The following NPAS3 variants were observed in gnomAD, a reference collection of about 807,000 sequenced individuals.
NPAS3 encodes the protein neuronal PAS domain protein 3.
Under a neutral mutation model 73.1 loss-of-function variants are expected in NPAS3, and 14 were observed. That is an observed-to-expected ratio of 0.19 (90% confidence interval 0.13 to 0.30). The LOEUF is 0.30. Among genes scored for constraint, NPAS3 ranks in the 10% least tolerant of loss-of-function variants. The pLI is 1.00. For synonymous variants in NPAS3, 620 were observed against 541.5 expected, an observed-to-expected ratio of 1.14 and a Z score of -2.01; for missense variants, 1,096 against 1,250.0, an observed-to-expected ratio of 0.88 and a Z score of 1.86.
At chr14:33,369,404 C>CAAAAAAAAAAAAAAAAAAAAAAAAAA (rs3058296) in intron 4 of NPAS3, among the ~76,000 whole-genome samples, 1 of 90,940 alleles carries the variant, frequency 1.1e-5, no homozygotes, top group Non-Finnish European at 2.2e-5. Flanking sequence ...GCCTCATTTC[C>CAAAAAAAAAAAAAAAAAAAAAAAAAA]AAAAAAAAAA....
intron 3 of NPAS3, among the ~76,000 whole-genome samples, chr14:33,354,251 C>T (rs1249968913): frequency 6.6e-6 from 1 of 152,100 alleles, no homozygotes; most frequent in African/African-American, 2.4e-5. Flanking sequence ...CCTTTCTTTC[C>T]CTTCCAGATT....
intron 3 of NPAS3, among the ~76,000 whole-genome samples, chr14:33,351,044 C>CAA (rs2045022026): frequency 6.6e-6 from 1 of 152,308 alleles, no homozygotes; most frequent in Admixed American, 6.5e-5. Flanking sequence ...AGACTCTATA[C>CAA]AAGCTTGCCA....
At chr14:33,581,742 T>C (rs937294217) in intron 5 of NPAS3, among the ~76,000 whole-genome samples, 1 of 152,090 alleles carries the variant, frequency 6.6e-6, no homozygotes, top group Admixed American at 6.5e-5. Flanking sequence ...TGGATAATTT[T>C]TTTGTACTTT....
At chr14:33,220,343 G>A (rs552075059) in intron 3 of NPAS3, among the ~76,000 whole-genome samples, 6 of 152,240 alleles carry the variant, frequency 3.9e-5, no homozygotes, top group South Asian at 2.1e-4. Flanking sequence ...GCCAGTGTTC[G>A]TTGTTGTTTA....
At chr14:33,479,863 G>T (rs1182921022) in intron 4 of NPAS3, among the ~76,000 whole-genome samples, 3 of 151,966 alleles carry the variant, frequency 2.0e-5, no homozygotes, top group African/African-American at 7.3e-5. Context: ...CATTTGTGAA[G>T]AATTTCTTGG....
intron 5 of NPAS3, among the ~76,000 whole-genome samples, chr14:33,665,747 A>G (rs1175042899): frequency 1.3e-5 from 2 of 152,244 alleles, no homozygotes; most frequent in African/African-American, 4.8e-5. Context: ...CTTCCGAATT[A>G]AACCTCAGAA....
chr14:33,575,974 C>T (rs1347948646), intron 5 of NPAS3, among the ~76,000 whole-genome samples: 2 of 151,830 alleles, frequency 1.3e-5, no homozygotes, highest in African/African-American at 4.8e-5. Context: ...CTTGTAGCAC[C>T]CTCCCACCCC....
At chr14:33,324,242 G>A (rs1017871552) in intron 3 of NPAS3, among the ~76,000 whole-genome samples, 2 of 152,246 alleles carry the variant, frequency 1.3e-5, no homozygotes, top group East Asian at 1.9e-4. Flanking sequence ...TTGTAACGCC[G>A]GATCTGCCAT....
In NPAS3 at chr14:32,966,718, A is replaced by T. The variant is rs868228810; in HGVS notation, c.50+27352A>T. Among the ~76,000 whole-genome samples the T allele has an allele frequency of 7.1e-5, 9 of 127,334 alleles. 2 individuals carry two copies. The highest frequency in any genetic ancestry group is 1.5e-4 in the Non-Finnish European group (9 of 59,572). 83.5% of individuals were successfully genotyped at this position (127,334 alleles called of 152,430 possible). ...CCGGGAAGCGGAGCTTGCAGTGAGC[A>T]GAGATTGCGCCACTGCAGTCCGCAG... On this transcript the variant is annotated intron_variant, in intron 1 of 11. Transcript: ENST00000356141.
In NPAS3 at chr14:33,578,614, A is replaced by G. The variant is rs923071518; in HGVS notation, c.558+18404A>G. On this transcript the variant is annotated intron_variant, in intron 5 of 11. Coordinates refer to ENST00000356141, the Ensembl canonical transcript of NPAS3. ...ATAGGCACTAAACAAATATTTGCTG[A>G]CTGACTGAATATCTTCCAACTTCCA... Among the ~76,000 whole-genome samples, 4 of 152,180 alleles carry G rather than the reference A, an allele frequency of 2.6e-5. No individual in the cohort carries two copies. In the East Asian group the frequency reaches 5.8e-4, roughly 22 times the overall value.
chr14:33,534,403 G>C (rs892408006), intron 4 of NPAS3, among the ~76,000 whole-genome samples: 3 of 152,104 alleles, frequency 2.0e-5, no homozygotes, highest in Non-Finnish European at 4.4e-5. Context: ...TTTACATTGG[G>C]AGTCAGGATT....
intron 2 of NPAS3, among the ~76,000 whole-genome samples, chr14:33,112,011 A>G (rs36134579): frequency 0.015 from 2,328 of 152,112 alleles, 62 homozygotes; most frequent in African/African-American, 0.054. Flanking sequence ...ATCATTTTTT[A>G]TGGCTGCATA....
intron 3 of NPAS3, among the ~76,000 whole-genome samples, chr14:33,287,147 A>AAAAGTGAT (rs1272107723): frequency 1.3e-5 from 2 of 152,224 alleles, no homozygotes; most frequent in Non-Finnish European, 2.9e-5. Context: ...GTGGGAGAAA[A>AAAAGTGAT]AAAGTGATGT....
chr14:33,581,224 C>T (rs1057336048), intron 5 of NPAS3, among the ~76,000 whole-genome samples: 4 of 152,070 alleles, frequency 2.6e-5, no homozygotes, highest in Non-Finnish European at 5.9e-5. Context: ...GAGTCCCAGC[C>T]AAAGGTGTTG....
intron 3 of NPAS3, among the ~76,000 whole-genome samples, chr14:33,329,825 TGA>T (rs535233541): frequency 3.3e-5 from 5 of 150,896 alleles, no homozygotes; most frequent in East Asian, 1.9e-4. Flanking sequence ...TGTGTGTGTG[TGA>T]GAGAGAGAGA....
At chr14:33,491,432 G>C (rs1199119742) in intron 4 of NPAS3, among the ~76,000 whole-genome samples, 1 of 152,104 alleles carries the variant, frequency 6.6e-6, no homozygotes, top group Non-Finnish European at 1.5e-5. Flanking sequence ...GTGGAAATTT[G>C]ATGATGGAAA....
At chr14:33,554,675 A>G (rs1035500464) in intron 4 of NPAS3, among the ~76,000 whole-genome samples, 1 of 152,190 alleles carries the variant, frequency 6.6e-6, no homozygotes, top group Admixed American at 6.5e-5. Context: ...TGTCAAAGAA[A>G]GAACTACTAA....
At chr14:33,469,547 TC>T (rs1167199935) in intron 4 of NPAS3, among the ~76,000 whole-genome samples, 4 of 152,196 alleles carry the variant, frequency 2.6e-5, no homozygotes, top group African/African-American at 9.7e-5. Context: ...TACCAAGACC[TC>T]ATGGCTTCCT....
At chr14:33,079,958 G>A (rs1211066703) in intron 2 of NPAS3, among the ~76,000 whole-genome samples, 2 of 151,816 alleles carry the variant, frequency 1.3e-5, no homozygotes, top group African/African-American at 4.8e-5. Context: ...AATTTTTCCT[G>A]TGTGCATAGT....
Sources: gnomAD v4.1 joint callset for allele counts (sites outside exome capture counted in the v4.1 genomes callset) on GRCh38, gnomAD v4.1.1 for gene constraint, MANE v1.5 for transcripts, NCBI Gene and HGNC (gene_info 2026-07-23, HGNC 2026-07-21) for gene names.